The following UEVLD variants were observed in gnomAD, a reference collection of about 807,000 sequenced individuals.
UEVLD encodes UEV and lactate/malate dehyrogenase domains, also known as ubiquitin-conjugating enzyme E2 variant 3.
Under a neutral mutation model 58.6 loss-of-function variants are expected in UEVLD, and 47 were observed. The ratio of observed to expected loss-of-function variants is 0.80; its 90% CI spans 0.63 to 1.02. UEVLD has a LOEUF of 1.02. Ranked by LOEUF, UEVLD falls within the 50% of genes least tolerant of loss-of-function variation. The pLI is 0.00. For synonymous variants in UEVLD, 197 were observed against 195.3 expected, an observed-to-expected ratio of 1.01 and a Z score of -0.07; for missense variants, 510 against 550.6, an observed-to-expected ratio of 0.93 and a Z score of 0.74.
intron 10 of UEVLD, among the ~76,000 whole-genome samples, chr11:18,535,364 G>A (rs1472717916): frequency 6.6e-6 from 1 of 152,096 alleles, no homozygotes; most frequent in East Asian, 1.9e-4. Flanking sequence ...AGTATCTGAA[G>A]TTTTATAATA....
intron 8 of UEVLD, among the ~76,000 whole-genome samples, chr11:18,545,367 A>G (rs1185032906): frequency 2.7e-5 from 4 of 149,454 alleles, no homozygotes; most frequent in Non-Finnish European, 4.5e-5. Flanking sequence ...CACCGCGCCC[A>G]GCCCATAACA....
chr11:18,559,521 A>T (rs1019954314), intron 6 of UEVLD, among the ~76,000 whole-genome samples: 1 of 152,086 alleles, frequency 6.6e-6, no homozygotes, highest in Non-Finnish European at 1.5e-5. Context: ...TTTTAATGGG[A>T]TGAGTTAATA....
chr11:18,558,301 G>T lies in UEVLD; in HGVS notation c.642C>A (p.Asp214Glu), dbSNP rs201384052. ...KGIADRLVLLDLSEGTKGATM... is the reference protein window; with the variant it reads ...KGIADRLVLLELSEGTKGATM... ...TGGCTCCTTTAGTCCCTTCTGAGAG[G>T]TCTAAGAGGACAAGCCTGTCTGCAA... The change falls in exon 7 of 12, where the codon GAC (aspartate) becomes GAA (glutamate). Residue 214 changes from aspartate to glutamate, a missense_variant. Coordinates refer to ENST00000396197, the MANE Select transcript of UEVLD (RefSeq NM_001040697.4). 54 of 1,612,792 alleles carry T rather than the reference G, an allele frequency of 3.3e-5. No individual in the cohort carries two copies. Among genetic ancestry groups the T allele is most frequent in the Non-Finnish European group, 4.2e-5 (49 of 1,179,526 alleles).
intron 9 of UEVLD, among the ~76,000 whole-genome samples, chr11:18,538,280 CTT>C (rs757843063): frequency 2.8e-4 from 39 of 140,868 alleles, no homozygotes; most frequent in Admixed American, 4.3e-4. Context: ...TGCACATATT[CTT>C]TTTTTTTTTT....
intron 6 of UEVLD, among the ~76,000 whole-genome samples, chr11:18,561,851 T>G (rs1467084341): frequency 6.8e-6 from 1 of 146,396 alleles, no homozygotes; most frequent in Non-Finnish European, 1.5e-5. Context: ...AAAAAAAAAG[T>G]TTGCGCCACT....
chr11:18,586,866 T>C (rs538483072), intron 1 of UEVLD, among the ~76,000 whole-genome samples: 26 of 151,246 alleles, frequency 1.7e-4, no homozygotes, highest in African/African-American at 6.0e-4. Context: ...TCGTCGCTAC[T>C]AAAAATACAA....
rs974689179 is a variant in UEVLD, at chr11:18,570,917, C to G, written c.194-540G>C. On this transcript the variant is annotated intron_variant, in intron 3 of 11. Coordinates refer to ENST00000396197, the MANE Select transcript of UEVLD (RefSeq NM_001040697.4). ...TGAGTAAGTTTAATTAAAACAATGG[C>G]CAAATCATCCACCCTGCCTCTCAAA... 3.8e-4 allele frequency among the ~76,000 whole-genome samples: 55 copies of G among 144,504 alleles called. 2 individuals carry two copies. In the Admixed American group the frequency reaches 3.8e-3, roughly 10 times the overall value. 94.8% of individuals were successfully genotyped at this position (144,504 alleles called of 152,430 possible). A position where few individuals can be genotyped will look rare whatever the true frequency, so the allele number is the denominator to read the frequency against.
chr11:18,545,074 A>ATATATATATATATT (rs1345787784), intron 8 of UEVLD, among the ~76,000 whole-genome samples: 1 of 84,570 alleles, frequency 1.2e-5, no homozygotes. Flanking sequence ...CTATATCTAT[A>ATATATATATATATT]TTTTTTTTTT....
At chr11:18,555,968 A>G (rs534463069) in intron 7 of UEVLD, among the ~76,000 whole-genome samples, 61 of 152,260 alleles carry the variant, frequency 4.0e-4, no homozygotes, top group African/African-American at 1.4e-3. Flanking sequence ...AAAATGTACA[A>G]CCACAATTAA....
At chr11:18,533,211 A>G (rs1222454085) in intron 11 of UEVLD, among the ~76,000 whole-genome samples, 1 of 151,930 alleles carries the variant, frequency 6.6e-6, no homozygotes, top group Non-Finnish European at 1.5e-5. Context: ...CTGTTTTGAA[A>G]TGTACAATAA....
intron 3 of UEVLD, 85 bp downstream of exon 3, chr11:18,575,262 G>T: frequency 2.1e-6 from 3 of 1,403,424 alleles, no homozygotes; most frequent in Middle Eastern, 2.6e-4. Flanking sequence ...AATACTTTAA[G>T]AATGTTATGG....
At chr11:18,558,782 C>CAA (rs760975470) in intron 6 of UEVLD, among the ~76,000 whole-genome samples, 2 of 118,360 alleles carry the variant, frequency 1.7e-5, no homozygotes, top group African/African-American at 6.2e-5. Context: ...GACTCTATCT[C>CAA]AAAAAAAAAA....
chr11:18,554,530 G>C (rs1398388082), intron 7 of UEVLD, among the ~76,000 whole-genome samples: 1 of 151,416 alleles, frequency 6.6e-6, no homozygotes, highest in Non-Finnish European at 1.5e-5. Context: ...CTGAGTAGCT[G>C]GGATTACAAG....
intron 3 of UEVLD, among the ~76,000 whole-genome samples, chr11:18,574,265 C>T (rs777118172): frequency 1.3e-5 from 2 of 152,182 alleles, no homozygotes; most frequent in African/African-American, 2.4e-5. Context: ...CCTCAGCCTT[C>T]TGAGTAGCTG....
In UEVLD at chr11:18,569,402, G is replaced by A. The variant is rs1255242200; in HGVS notation, c.357+812C>T. On this transcript the variant is annotated intron_variant, in intron 4 of 11. Coordinates refer to ENST00000396197, the MANE Select transcript of UEVLD (RefSeq NM_001040697.4). ...TGATTATAGAAATGTATCATTTTGT[G>A]TACCCTTTTGGAGGCCAATTTAGTA... Among the ~76,000 whole-genome samples the A allele has an allele frequency of 2.6e-5, 4 of 152,236 alleles. No individual in the cohort carries two copies. The East Asian group carries it at 7.7e-4, about 29-fold the overall frequency.
intron 11 of UEVLD, among the ~76,000 whole-genome samples, chr11:18,533,425 G>A (rs1850658462): frequency 1.3e-5 from 2 of 150,344 alleles, no homozygotes; most frequent in African/African-American, 4.9e-5. Flanking sequence ...TGTGATATTT[G>A]TCTTTCTGGC....
intron 9 of UEVLD, among the ~76,000 whole-genome samples, chr11:18,544,004 C>T (rs549051245): frequency 6.6e-6 from 1 of 152,112 alleles, no homozygotes; most frequent in South Asian, 2.1e-4. Flanking sequence ...GGAAAGAGTT[C>T]TATATATGCT....
At position 18,570,251 on chromosome 11, in the gene UEVLD, C is replaced by G; in HGVS notation, c.320G>C (p.Gly107Ala). 1 of 1,606,776 alleles carries G rather than the reference C, an allele frequency of 6.2e-7. No individual in the cohort carries two copies. The highest frequency in any genetic ancestry group is 1.7e-4 in the Middle Eastern group (1 of 6,026). The stretch of plus-strand genomic sequence containing the variant: ...TTGGAGATAGGGCAAATATATTCTG[C>G]CTTGAGCATCCACATGTTTTCCGAC... ...ILVGKHVDAQ[G>A]RIYLPYLQNW... Residue 107 changes from glycine to alanine, a missense_variant, in exon 4 of 12, where the codon GGC becomes GCC. Gly to Ala is a moderately conservative substitution (Grantham distance 60, BLOSUM62 0). Transcript: ENST00000396197.
At chr11:18,588,565 C>G (rs1853710676) in intron 1 of UEVLD, 48 bp downstream of exon 1, 1 of 1,598,886 alleles carries the variant, frequency 6.3e-7, no homozygotes, top group African/African-American at 1.3e-5. Flanking sequence ...CAGAGGCACC[C>G]CCCGCAAGAC....
Sources: allele counts gnomAD v4.1 joint callset (sites outside exome capture counted in the v4.1 genomes callset), GRCh38; gene constraint gnomAD v4.1.1; transcripts MANE v1.5; gene names NCBI Gene and HGNC (gene_info 2026-07-23, HGNC 2026-07-21).